DZIP3: variants seen among roughly 807,000 people sequenced by gnomAD.
The protein encoded by DZIP3 is E3 ubiquitin-protein ligase DZIP3.
Under a neutral mutation model 162.0 loss-of-function variants are expected in DZIP3, and 118 were observed. That is an observed-to-expected ratio of 0.73 (90% CI 0.63 to 0.85). The LOEUF is 0.85. Ranked by LOEUF, DZIP3 falls within the 40% of genes least tolerant of loss-of-function variation. The probability of loss-of-function intolerance (pLI) is 0.00; values close to 1 mark genes in which losing one functional copy is unlikely to be tolerated. For missense variants in DZIP3, 1,331 were observed against 1,407.0 expected (o/e 0.95, Z 0.86); for synonymous variants, 438 against 458.6 (o/e 0.96, Z 0.57).
rs199822733 is a variant in DZIP3 at position 108,637,595 on chromosome 3, A to G, written c.1064+47A>G. ...CTGTTACCTTTTTTGGAATATGCAT[A>G]TATTTTTTGGTTGCTTAATTCTTCT... is the stretch of plus-strand genomic sequence containing the variant. On this transcript the variant is annotated intron_variant, in intron 12 of 32. Coordinates refer to ENST00000361582, the MANE Select transcript of DZIP3 (RefSeq NM_014648.4). 64 of 1,533,098 alleles carry G rather than the reference A, an allele frequency of 4.2e-5. No homozygotes were observed. In the African/African-American group the frequency reaches 8.2e-4, roughly 20 times the overall value. The allele number at this position is 1,533,098 out of a possible 1,614,324, so 95.0% of individuals were successfully genotyped here. A position where few individuals can be genotyped will look rare whatever the true frequency, so the allele number is the denominator to read the frequency against.
chr3:108,612,497 A>T (rs1378897217), intron 4 of DZIP3, among the ~76,000 whole-genome samples: 2 of 152,188 alleles, frequency 1.3e-5, no homozygotes, highest in African/African-American at 4.8e-5. Context: ...TATGCAAAAA[A>T]TAGCAACTAG....
intron 19 of DZIP3, among the ~76,000 whole-genome samples, chr3:108,659,843 AACAG>A (rs1309045625): frequency 2.0e-5 from 3 of 152,176 alleles, no homozygotes; most frequent in Admixed American, 6.5e-5. Flanking sequence ...ATACACCAAT[AACAG>A]ACAAACAGAG....
chr3:108,686,379 T>G (rs1265589625), intron 27 of DZIP3, 66 bp from the exon 28 acceptor site: 14 of 1,398,496 alleles, frequency 1.0e-5, no homozygotes, highest in Non-Finnish European at 1.2e-5. Context: ...ACCCATTTTC[T>G]GAGGTATAGG....
At chr3:108,675,078 A>G (rs914449824) in intron 24 of DZIP3, among the ~76,000 whole-genome samples, 1 of 151,966 alleles carries the variant, frequency 6.6e-6, no homozygotes, top group African/African-American at 2.4e-5. Flanking sequence ...TTCAGCTCTT[A>G]TAAAATTGTT....
rs57700432 is a variant in DZIP3, at chr3:108,619,060, CAAAAAAAAAAAAAAAA to C, written c.375+2414_375+2429del. 4.3e-5 allele frequency among the ~76,000 whole-genome samples: 3 copies of C among 70,098 alleles called. No individual in the cohort carries two copies. The South Asian group carries it at 2.5e-3, about 59-fold the overall frequency. The allele number at this position is 70,098 out of a possible 152,430, so 46.0% of individuals were successfully genotyped here. A position where few individuals can be genotyped will look rare whatever the true frequency, so the allele number is the denominator to read the frequency against. On this transcript the variant is annotated intron_variant, in intron 5 of 32. Coordinates refer to ENST00000361582, the MANE Select transcript of DZIP3 (RefSeq NM_014648.4). ...TAGGTGACAGATTGAGACTCCATCT[CAAAAAAAAAAAAAAAA>C]AAAAAAAAAAGAAAGCTTATATCCT...
chr3:108,635,171 TATC>T (rs1421793667), intron 10 of DZIP3, among the ~76,000 whole-genome samples, 199 bp downstream of exon 10: 4 of 152,008 alleles, frequency 2.6e-5, no homozygotes, highest in Admixed American at 6.6e-5. Context: ...TTTCATTCAT[TATC>T]ATCATTTATT....
At position 108,624,465 on chromosome 3, in the gene DZIP3, T is replaced by C. The variant is rs1331926224; in HGVS notation, c.397T>C (p.Tyr133His). ...GTAGGCACACCAGATTAATATTGGT[T>C]ATTATTTGACATTACTGTTTTTATA... The part of the protein sequence containing the change: ...NYTAHQINIG[Y>H]YLTLLFLYGV... The change falls in exon 6 of 33, where the codon TAT becomes CAT. Residue 133 changes from tyrosine to histidine, a missense_variant. Tyr to His is a moderately conservative substitution (Grantham distance 83). Transcript: ENST00000361582. The C allele has an allele frequency of 2.5e-6, 4 of 1,596,764 alleles. No homozygotes were observed. The highest frequency in any genetic ancestry group is 1.3e-5 in the African/African-American group (1 of 74,508).
intron 1 of DZIP3, among the ~76,000 whole-genome samples, chr3:108,601,015 T>A (rs1939983030): frequency 6.6e-6 from 1 of 152,218 alleles, no homozygotes; most frequent in Admixed American, 6.5e-5. Flanking sequence ...ATCTGCATAC[T>A]TTATGTCATT....
intron 29 of DZIP3, 42 bp downstream of exon 29, chr3:108,688,138 C>T (rs1466057321): frequency 6.2e-7 from 1 of 1,607,302 alleles, no homozygotes. Flanking sequence ...TCTCTCTGCC[C>T]TTAACTCTAG....
chr3:108,651,197 T>G (rs772417164), intron 18 of DZIP3, 35 bp downstream of exon 18: 4 of 682,726 alleles, frequency 5.9e-6, no homozygotes, highest in Middle Eastern at 5.6e-4. Context: ...TAAATTTTTC[T>G]TAGTATTTTT....
rs1220721288 is a variant in DZIP3, at chr3:108,666,741, T to C, written c.2424-2940T>C. ...AAATTAAACATCAGTAACGGAGAGA[T>C]ACCAAGAAACCTCCAAAGGCCTGGA... On this transcript the variant is annotated intron_variant, in intron 21 of 32. Coordinates refer to ENST00000361582, the MANE Select transcript of DZIP3 (RefSeq NM_014648.4). Among the ~76,000 whole-genome samples, 7 of 152,174 alleles carry C rather than the reference T, an allele frequency of 4.6e-5. No individual in the cohort carries two copies. In the East Asian group the frequency reaches 1.4e-3, roughly 29 times the overall value.
At chr3:108,613,231 A>G (rs938849279) in intron 4 of DZIP3, among the ~76,000 whole-genome samples, 6 of 152,166 alleles carry the variant, frequency 3.9e-5, no homozygotes, top group African/African-American at 1.2e-4. Context: ...CAAATATCGC[A>G]TGATTCCACT....
At chr3:108,651,595 T>C (rs1942872213) in intron 18 of DZIP3, among the ~76,000 whole-genome samples, 1 of 151,694 alleles carries the variant, frequency 6.6e-6, no homozygotes, top group Non-Finnish European at 1.5e-5. Flanking sequence ...CGTCTAGTTT[T>C]GTTATGTCCC....
chr3:108,626,876 G>A (rs149658444), intron 7 of DZIP3, among the ~76,000 whole-genome samples: 1 of 152,210 alleles, frequency 6.6e-6, no homozygotes, highest in African/African-American at 2.4e-5. Context: ...AGATCTGAGG[G>A]ATGAATTTGG....
intron 1 of DZIP3, among the ~76,000 whole-genome samples, chr3:108,603,417 T>C (rs1323904838): frequency 6.6e-6 from 1 of 150,652 alleles, no homozygotes; most frequent in Non-Finnish European, 1.5e-5. Flanking sequence ...TCAACCTCTC[T>C]GCTTCGTTAT....
chr3:108,693,213 G>C (rs1576484150), intron 32 of DZIP3, 147 bp from the exon 33 acceptor site: 1 of 150,316 alleles, frequency 6.7e-6, no homozygotes, highest in Non-Finnish European at 1.5e-5. Flanking sequence ...AATAAAATAT[G>C]AGGTTATTTG....
chr3:108,677,671 T>A, intron 26 of DZIP3, 73 bp downstream of exon 26: 1 of 1,274,328 alleles, frequency 7.8e-7, no homozygotes, highest in African/African-American at 1.5e-5. Flanking sequence ...AAACACTGAA[T>A]ATGCAGTATG....
chr3:108,639,234 A>T (rs1327241721), intron 12 of DZIP3, among the ~76,000 whole-genome samples: 1 of 152,256 alleles, frequency 6.6e-6, no homozygotes, highest in Non-Finnish European at 1.5e-5. Context: ...CATGAGGGCA[A>T]GAACTTTATC....
intron 4 of DZIP3, among the ~76,000 whole-genome samples, chr3:108,616,288 A>ATAAAT (rs1941005076): frequency 6.6e-6 from 1 of 151,058 alleles, no homozygotes; most frequent in African/African-American, 2.4e-5. Flanking sequence ...AAATAAATAA[A>ATAAAT]TAAATAAATA....
Sources: allele counts gnomAD v4.1 joint callset (sites outside exome capture counted in the v4.1 genomes callset), GRCh38; gene constraint gnomAD v4.1.1; transcripts MANE v1.5; gene names NCBI Gene and HGNC (gene_info 2026-07-23, HGNC 2026-07-21).